Variants in MED23 observed in about 807,000 individuals in gnomAD.
MED23 encodes the protein mediator of RNA polymerase II transcription subunit 23.
Under a neutral mutation model 163.9 loss-of-function variants are expected in MED23, and 105 were observed. The observed-to-expected ratio is 0.64, with a 90% confidence interval of 0.55 to 0.75. The LOEUF (loss-of-function observed/expected upper bound fraction) is 0.75, where lower values mean the gene tolerates loss of function less well. MED23 is among the 30% of genes least tolerant of loss of function. The probability of loss-of-function intolerance (pLI) is 0.00; values close to 1 mark genes in which losing one functional copy is unlikely to be tolerated. For synonymous variants in MED23, 561 were observed against 565.6 expected (o/e 0.99, Z 0.12); for missense variants, 1,054 against 1,649.0 (o/e 0.64, Z 6.25).
In MED23 at chr6:131,598,855, C is replaced by T. The variant is rs75225010; in HGVS notation, c.2221-94G>A. On this transcript the variant is annotated intron_variant, in intron 18 of 28. Coordinates refer to ENST00000368068, the MANE Select transcript of MED23 (RefSeq NM_004830.4). This position sits in a 1 kb window ranked among gnomAD's most constrained non-coding sequence, Gnocchi z 4.7. Reference sequence around the variant, plus strand: ...ACCAGTTCTAGACTTGATTCTGACACTAATAAACTCTAGGTCACCTTGAGC... The same window carrying T: ...ACCAGTTCTAGACTTGATTCTGACATTAATAAACTCTAGGTCACCTTGAGC... 7.2e-3 allele frequency: 8,486 copies of T among 1,181,708 alleles called. 407 individuals are homozygous for T. In the African/African-American group the frequency reaches 0.11, roughly 15 times the overall value. The allele number at this position is 1,181,708 out of a possible 1,614,324, so 73.2% of individuals were successfully genotyped here. A position where few individuals can be genotyped will look rare whatever the true frequency, so the allele number is the denominator to read the frequency against.
downstream of MED23, among the ~76,000 whole-genome samples, chr6:131,586,350 A>G (rs1407366497): frequency 1.3e-5 from 2 of 151,902 alleles, no homozygotes; most frequent in Non-Finnish European, 2.9e-5. Flanking sequence ...TAGTGAGCCC[A>G]GAGTATGCCA....
In MED23 at chr6:131,627,500, T is replaced by G. The variant is rs777306318; in HGVS notation, c.72-17A>C. ...ATAAACATGCTAAAAAAATAAAAAT[T>G]ACATTATTTGTCATTCGTTTTAAAA... is the stretch of plus-strand genomic sequence containing the variant. On this transcript the variant is annotated splice_polypyrimidine_tract_variant and intron_variant, in intron 2 of 28. Transcript: ENST00000368068. 5 of 1,606,170 alleles carry G rather than the reference T, an allele frequency of 3.1e-6. No homozygotes were observed. Among genetic ancestry groups the G allele is most frequent in the Non-Finnish European group, 4.3e-6 (5 of 1,173,148 alleles).
At chr6:131,603,317 G>A (rs1392508236) in intron 15 of MED23, 113 bp from the exon 16 acceptor site, 16 of 972,676 alleles carry the variant, frequency 1.6e-5, no homozygotes, top group African/African-American at 8.1e-5. Flanking sequence ...AAATACACAC[G>A]CCCACACACA....
rs1347444634 is a variant in MED23, at chr6:131,594,352, A to G, written c.2996-17T>C. The G allele has an allele frequency of 5.8e-6, 9 of 1,559,192 alleles. No homozygotes were observed. Among genetic ancestry groups the G allele is most frequent in the Non-Finnish European group, 8.0e-6 (9 of 1,130,132 alleles). Reference sequence around the variant, plus strand: ...CTGGACGATCTGCCAAGAAAAAAACATACCACCACAATGTTTAACTGGTTA... The same window carrying G: ...CTGGACGATCTGCCAAGAAAAAAACGTACCACCACAATGTTTAACTGGTTA... On this transcript the variant is annotated splice_polypyrimidine_tract_variant and intron_variant, in intron 22 of 28. Coordinates refer to ENST00000368068, the MANE Select transcript of MED23 (RefSeq NM_004830.4).
In MED23 at chr6:131,627,689, A is replaced by AAAC; in HGVS notation, c.40-18_40-17insGTT. Reference sequence around the variant, plus strand: ...TTCCGTTTTCTGTAAAAAAAAAAAAAACAAAATGTAAACAATGTTAATTTT... The same window carrying AAAC: ...TTCCGTTTTCTGTAAAAAAAAAAAAAAACACAAAATGTAAACAATGTTAATTTT... On this transcript the variant is annotated splice_polypyrimidine_tract_variant and intron_variant, in intron 1 of 28. Coordinates refer to ENST00000368068, the MANE Select transcript of MED23 (RefSeq NM_004830.4). 1 of 1,598,794 alleles carries AAAC rather than the reference A, an allele frequency of 6.3e-7. No homozygotes were observed.
In MED23 at chr6:131,598,415, CA is replaced by C. The variant is rs761569754; in HGVS notation, c.2478del (p.Phe826LeufsTer40). ...GAAAACTCATATACCAGGAAATCTG[CA>C]AATGTCCTCACATGGGCTACCAAGG... ...ARALVAHVRT[F>X]ADFLVYEFST... is the part of the protein sequence containing the mutation. On this transcript the variant is annotated frameshift_variant, in exon 20 of 29. Coordinates refer to ENST00000368068, the MANE Select transcript of MED23 (RefSeq NM_004830.4). LOFTEE classifies it high-confidence loss of function. This position sits in a 1 kb window ranked among gnomAD's most constrained non-coding sequence, Gnocchi z 4.7. 1.2e-6 allele frequency: 2 copies of C among 1,614,172 alleles called. No individual in the cohort carries two copies. Among genetic ancestry groups the C allele is most frequent in the Non-Finnish European group, 1.7e-6 (2 of 1,180,022 alleles).
chr6:131,597,636 T>TC (rs141819636), intron 20 of MED23, among the ~76,000 whole-genome samples: 3,024 of 152,234 alleles, frequency 0.02, 118 homozygotes, highest in African/African-American at 0.07. Flanking sequence ...TGCTACTTCC[T>TC]CCCTCTAGTG....
At position 131,587,061 on chromosome 6, in the gene MED23, G is replaced by A. The variant is rs1322412978; in HGVS notation, c.*618C>T. The A allele has an allele frequency of 4.3e-6, 6 of 1,383,244 alleles. No homozygotes were observed. Among genetic ancestry groups the A allele is most frequent in the Non-Finnish European group, 5.6e-6 (6 of 1,063,098 alleles). The allele number at this position is 1,383,244 out of a possible 1,614,324, so 85.7% of individuals were successfully genotyped here. ...CATGGCTTCCAACTAATTTTATACA[G>A]TAAGTTCAAGTCCATAGCAAAGGTA... On this transcript the variant is annotated 3_prime_UTR_variant, in exon 29 of 29. Transcript: ENST00000368068.
chr6:131,594,985 C>A (rs1030402794), intron 22 of MED23, among the ~76,000 whole-genome samples: 1 of 152,070 alleles, frequency 6.6e-6, no homozygotes, highest in African/African-American at 2.4e-5. Flanking sequence ...TTACCTAATC[C>A]AAAAGAAAAA....
At chr6:131,619,709 A>T (rs910762721) in intron 8 of MED23, 118 bp downstream of exon 8, 2 of 758,994 alleles carry the variant, frequency 2.6e-6, no homozygotes, top group African/African-American at 3.4e-5. Flanking sequence ...GCTCTTAGAG[A>T]GTCACCAAAA....
chr6:131,615,553 C>G (rs936285719), intron 10 of MED23: 11 of 437,886 alleles, frequency 2.5e-5, no homozygotes, highest in Non-Finnish European at 4.0e-5. Flanking sequence ...GAAGGCCACG[C>G]TGAAGATACC....
chr6:131,594,107 A>T lies in MED23; in HGVS notation c.3224T>A (p.Leu1075Gln), dbSNP rs1232644236. The T allele has an allele frequency of 3.1e-6, 5 of 1,611,386 alleles. No individual in the cohort carries two copies. Among genetic ancestry groups the T allele is most frequent in the Non-Finnish European group, 4.2e-6 (5 of 1,177,606 alleles). The stretch of plus-strand genomic sequence containing the variant: ...CACAATAAAAAGGATATTATCGACT[A>T]GTCTGCCAATCAATCTGCAATAGTA... ...DTYYCRLIGR[L>Q]VDTMAGKSPG... Residue 1075 changes from leucine to glutamine, a missense_variant, in exon 23 of 29, where the codon CTA (leucine) becomes CAA (glutamine). Transcript: ENST00000368068.
chr6:131,617,531 C>T (rs1014996219), intron 9 of MED23, among the ~76,000 whole-genome samples: 1 of 151,672 alleles, frequency 6.6e-6, no homozygotes, highest in Non-Finnish European at 1.5e-5. Flanking sequence ...CCCCATCTAC[C>T]AGAATGTCTT....
Position 131,587,693 on chromosome 6 carries a change from G to T in MED23, c.4093C>A (p.Pro1365Thr). The stretch of plus-strand genomic sequence containing the variant: ...ACAGTCTGGCTTCACTGAGTTACTG[G>T]TAAAGACACGGGCACCTGATTAGAC... ...PQSNQVPVSLPVTQ is the reference protein window; with the variant it reads ...PQSNQVPVSLTVTQ Residue 1365 changes from proline (P) to threonine (T), a missense_variant, in exon 29 of 29, where the codon CCA becomes ACA. By Grantham distance (38) the Pro-to-Thr change is conservative. Around this residue, in one of 11 missense-constraint regions of MED23, gnomAD observed 362 missense variants for 471.6 expected, o/e 0.77. Coordinates refer to ENST00000368068, the MANE Select transcript of MED23 (RefSeq NM_004830.4). 1 of 1,614,092 alleles carries T rather than the reference G, an allele frequency of 6.2e-7. No individual in the cohort carries two copies. Among genetic ancestry groups the T allele is most frequent in the Non-Finnish European group, 8.5e-7 (1 of 1,179,986 alleles).
intron 16 of MED23, 30 bp from the exon 17 acceptor site, chr6:131,602,411 A>G: frequency 6.2e-7 from 1 of 1,603,276 alleles, no homozygotes; most frequent in Non-Finnish European, 8.5e-7. Flanking sequence ...AAAGAAATGT[A>G]AAAAAATTTC....
intron 9 of MED23, 124 bp from the exon 10 acceptor site, chr6:131,616,126 G>A (rs1776671332): frequency 2.6e-6 from 2 of 765,484 alleles, no homozygotes. Flanking sequence ...GCAGTATCTA[G>A]TGGGAAAAAA....
chr6:131,576,251 A>C (rs868449421), intron 30 of MED23, among the ~76,000 whole-genome samples: 1 of 152,202 alleles, frequency 6.6e-6, no homozygotes, highest in South Asian at 2.1e-4. Context: ...ATCTCCTATC[A>C]GCTTATGAGG....
At chr6:131,603,276 C>T in intron 15 of MED23, 72 bp from the exon 16 acceptor site, 1 of 1,403,086 alleles carries the variant, frequency 7.1e-7, no homozygotes. Context: ...AAGAAAGTCA[C>T]ATTGAGTAAA....
At position 131,587,167 on chromosome 6, in the gene MED23, C is replaced by A; in HGVS notation, c.*512G>T. On this transcript the variant is annotated 3_prime_UTR_variant, in exon 29 of 29. Coordinates refer to ENST00000368068, the MANE Select transcript of MED23 (RefSeq NM_004830.4). ...AGTCATTTTAAAAAGAATATGAAGCCTTGTTTGCTCCTACAATGCAACAAA... is the reference window on the plus strand; with the variant it reads ...AGTCATTTTAAAAAGAATATGAAGCATTGTTTGCTCCTACAATGCAACAAA... The A allele has an allele frequency of 8.5e-7, 1 of 1,176,276 alleles. No homozygotes were observed. Among genetic ancestry groups the A allele is most frequent in the South Asian group, 3.1e-5 (1 of 32,644 alleles). 72.9% of individuals were successfully genotyped at this position (1,176,276 alleles called of 1,614,324 possible).
Sources: gnomAD v4.1 joint callset for allele counts (sites outside exome capture counted in the v4.1 genomes callset) on GRCh38, gnomAD v4.1.1 for gene constraint, gnomAD v4.1.1 regional missense constraint, Gnocchi (gnomAD v3.1) non-coding constraint, MANE v1.5 for transcripts, NCBI Gene and HGNC (gene_info 2026-07-23, HGNC 2026-07-21) for gene names.